The following STX8 variants were observed in gnomAD, a reference collection of about 807,000 sequenced individuals.
STX8 encodes the protein syntaxin 8.
STX8 carries 23 observed loss-of-function variants against 37.5 expected under a neutral mutation model. That is an observed-to-expected ratio of 0.61 (90% CI 0.44 to 0.87). STX8 has a LOEUF of 0.87. STX8 is among the 40% of genes least tolerant of loss of function. The probability of loss-of-function intolerance (pLI) is 0.00; values close to 1 mark genes in which losing one functional copy is unlikely to be tolerated. For missense variants in STX8, 313 were observed against 284.7 expected (o/e 1.10, Z -0.71); for synonymous variants, 115 against 99.1 (o/e 1.16, Z -0.95).
intron 4 of STX8, among the ~76,000 whole-genome samples, chr17:9,542,552 CT>C (rs1357549449): frequency 6.6e-6 from 1 of 151,668 alleles, no homozygotes; most frequent in Non-Finnish European, 1.5e-5. Flanking sequence ...TGGCGGGCGC[CT>C]GTAGTCCCAG....
At chr17:9,510,798 AATGT>A (rs1033754353) in intron 4 of STX8, among the ~76,000 whole-genome samples, 2 of 152,208 alleles carry the variant, frequency 1.3e-5, no homozygotes, top group Non-Finnish European at 1.5e-5. Flanking sequence ...TGAAATAAAA[AATGT>A]ATTTAAAAAA....
intron 6 of STX8, among the ~76,000 whole-genome samples, chr17:9,455,456 C>T (rs149021970): frequency 0.011 from 1,694 of 152,126 alleles, 31 homozygotes; most frequent in African/African-American, 0.037. Flanking sequence ...GCCGAGATCA[C>T]GCCACTGCAC....
At chr17:9,324,279 TG>T (rs2142208638) in intron 7 of STX8, among the ~76,000 whole-genome samples, 1 of 152,324 alleles carries the variant, frequency 6.6e-6, no homozygotes, top group East Asian at 1.9e-4. Context: ...TCTTCCTTCC[TG>T]CAGTGCAGTT....
chr17:9,557,383 A>C (rs776210214), intron 3 of STX8, 51 bp downstream of exon 3: 3 of 1,508,678 alleles, frequency 2.0e-6, no homozygotes, highest in Non-Finnish European at 2.8e-6. Context: ...TTAAAATACG[A>C]CTGCTTTTCC....
chr17:9,536,936 C>T (rs1336330904), intron 4 of STX8, among the ~76,000 whole-genome samples: 2 of 152,112 alleles, frequency 1.3e-5, no homozygotes, highest in Admixed American at 6.6e-5. Flanking sequence ...TTAGTAGAGA[C>T]GGGGTTTCAC....
intron 3 of STX8, chr17:9,552,993 C>G (rs999943800): frequency 6.6e-6 from 1 of 152,080 alleles, no homozygotes; most frequent in Non-Finnish European, 1.5e-5. Context: ...CACCAAAGTA[C>G]TTTTTGACAT....
intron 7 of STX8, among the ~76,000 whole-genome samples, chr17:9,278,467 A>G (rs1907761871): frequency 6.6e-6 from 1 of 151,984 alleles, no homozygotes; most frequent in Non-Finnish European, 1.5e-5. Context: ...AAAAAAAAAT[A>G]GAAACATACT....
At chr17:9,445,014 G>A (rs1904789402) in intron 6 of STX8, among the ~76,000 whole-genome samples, 1 of 152,182 alleles carries the variant, frequency 6.6e-6, no homozygotes, top group South Asian at 2.1e-4. Context: ...CTGAGCTGCT[G>A]ACCACTGGTG....
At chr17:9,456,108 G>A (rs914621146) in intron 6 of STX8, among the ~76,000 whole-genome samples, 5 of 152,002 alleles carry the variant, frequency 3.3e-5, no homozygotes, top group African/African-American at 4.8e-5. Context: ...TTTTAAATAC[G>A]CCACCCTCAG....
intron 7 of STX8, among the ~76,000 whole-genome samples, chr17:9,252,900 AG>A (rs1384091821): frequency 6.8e-6 from 1 of 146,570 alleles, no homozygotes; most frequent in Non-Finnish European, 1.5e-5. Context: ...ATATTTGTAG[AG>A]GGTTGTCAAA....
chr17:9,427,814 A>G (rs1272095800), intron 6 of STX8, among the ~76,000 whole-genome samples: 1 of 152,044 alleles, frequency 6.6e-6, no homozygotes, highest in East Asian at 1.9e-4. Flanking sequence ...GGGTGCAGGC[A>G]CTCATTTTTA....
chr17:9,260,115 T>C (rs770309799), intron 7 of STX8, among the ~76,000 whole-genome samples: 14 of 151,612 alleles, frequency 9.2e-5, no homozygotes, highest in Non-Finnish European at 1.6e-4. Context: ...AGAACAGAAG[T>C]CAAGAATAAA....
chr17:9,532,372 A>C (rs1441358404), intron 4 of STX8, among the ~76,000 whole-genome samples: 1 of 152,238 alleles, frequency 6.6e-6, no homozygotes, highest in African/African-American at 2.4e-5. Flanking sequence ...TGCAGTAAAG[A>C]ATGCATATTA....
chr17:9,268,372 G>A (rs1041537073), intron 7 of STX8, among the ~76,000 whole-genome samples: 2 of 152,266 alleles, frequency 1.3e-5, no homozygotes, highest in East Asian at 1.9e-4. Context: ...AAGTGGCAGC[G>A]GGGCTTAGAG....
intron 7 of STX8, among the ~76,000 whole-genome samples, chr17:9,332,781 G>T (rs982267574): frequency 6.6e-6 from 1 of 151,970 alleles, no homozygotes; most frequent in African/African-American, 2.4e-5. Context: ...TTACTATCTC[G>T]ATTCCCTCCC....
At position 9,299,357 on chromosome 17, in the gene STX8, C is replaced by T. The variant is rs915102842; in HGVS notation, c.644-48712G>A. On this transcript the variant is annotated intron_variant, in intron 7 of 7. Coordinates refer to ENST00000306357, the MANE Select transcript of STX8 (RefSeq NM_004853.3). ...TCTGCATGTCATTTCCCAAGCAAACCGAGGAACTGTATTTCAGCCACAAAA... is the reference window on the plus strand; with the variant it reads ...TCTGCATGTCATTTCCCAAGCAAACTGAGGAACTGTATTTCAGCCACAAAA... Among the ~76,000 whole-genome samples the T allele has an allele frequency of 4.6e-5, 7 of 151,704 alleles. No homozygotes were observed. In the South Asian group the frequency reaches 8.3e-4, roughly 18 times the overall value.
chr17:9,364,994 G>GAGAAGAGAAAGTGATGAGA (rs1280969667), intron 7 of STX8, among the ~76,000 whole-genome samples: 1 of 151,796 alleles, frequency 6.6e-6, no homozygotes, highest in African/African-American at 2.4e-5. Context: ...ATAGGATGAG[G>GAGAAGAGAAAGTGATGAGA]AGAAGAGAAA....
chr17:9,252,276 C>G (rs1221912850), intron 7 of STX8, among the ~76,000 whole-genome samples: 1 of 152,170 alleles, frequency 6.6e-6, no homozygotes, highest in Non-Finnish European at 1.5e-5. Context: ...AACCCCATCT[C>G]TACTAAAAGT....
intron 7 of STX8, among the ~76,000 whole-genome samples, chr17:9,289,409 A>G (rs1268257858): frequency 6.6e-6 from 1 of 152,142 alleles, no homozygotes; most frequent in East Asian, 1.9e-4. Flanking sequence ...CTAGACAGCT[A>G]CCAGTTTGGA....
Sources: gnomAD v4.1 joint callset for allele counts (sites outside exome capture counted in the v4.1 genomes callset) on GRCh38, gnomAD v4.1.1 for gene constraint, MANE v1.5 for transcripts, NCBI Gene and HGNC (gene_info 2026-07-23, HGNC 2026-07-21) for gene names.